Variants in PHF3 observed in about 807,000 individuals in gnomAD.
PHF3 encodes the protein PHD finger protein 3.
A neutral mutation model predicts 178.4 loss-of-function variants in PHF3; 41 were observed. The ratio of observed to expected loss-of-function variants is 0.23; its 90% confidence interval spans 0.18 to 0.30. The LOEUF (loss-of-function observed/expected upper bound fraction) is 0.30. Ranked by LOEUF, PHF3 falls within the 10% of genes least tolerant of loss-of-function variation. PHF3 has a pLI of 1.00. For synonymous variants in PHF3, 842 were observed against 800.5 expected, an observed-to-expected ratio of 1.05 and a Z score of -0.88; for missense variants, 2,346 against 2,398.1, an observed-to-expected ratio of 0.98 and a Z score of 0.45.
At chr6:63,649,589 T>G (rs913153348) in intron 2 of PHF3, among the ~76,000 whole-genome samples, 1 of 152,184 alleles carries the variant, frequency 6.6e-6, no homozygotes, top group Non-Finnish European at 1.5e-5. Context: ...GGATTGTATT[T>G]CAGCTGTCTC....
chr6:63,714,746 C>T lies in PHF3; in HGVS notation c.*1038C>T, dbSNP rs1768126006. ...ACTTTTACACCATCGCAATTTGGTA[C>T]TCTGACTCACTAATCATTAAAATTA... is the stretch of plus-strand genomic sequence containing the variant. On this transcript the variant is annotated 3_prime_UTR_variant, in exon 16 of 16. Transcript: ENST00000262043. The T allele has an allele frequency of 6.6e-6, 1 of 152,032 alleles. No individual in the cohort carries two copies. The highest frequency in any genetic ancestry group is 1.5e-5 in the Non-Finnish European group (1 of 67,978). The allele number at this position is 152,032 out of a possible 1,614,324, so 9.4% of individuals were successfully genotyped here.
Position 63,679,984 on chromosome 6 carries a change from T to C in PHF3, c.245-16T>C. On this transcript the variant is annotated splice_polypyrimidine_tract_variant and intron_variant, in intron 2 of 15. Transcript: ENST00000262043. ...CAATATTTTTAAAAGTTAATTTTTT[T>C]GTCGTTTTTTTCTAGTTGTTGGTCT... 1 of 1,602,874 alleles carries C rather than the reference T, an allele frequency of 6.2e-7. No individual in the cohort carries two copies. The highest frequency in any genetic ancestry group is 8.5e-7 in the Non-Finnish European group (1 of 1,173,252).
At chr6:63,674,983 T>C (rs185662606) in intron 2 of PHF3, among the ~76,000 whole-genome samples, 1 of 152,272 alleles carries the variant, frequency 6.6e-6, no homozygotes, top group East Asian at 1.9e-4. Flanking sequence ...CTCTGAATGG[T>C]TTTTATTCTC....
chr6:63,691,445 A>G (rs965734946), intron 4 of PHF3, among the ~76,000 whole-genome samples: 1 of 152,086 alleles, frequency 6.6e-6, no homozygotes, highest in Non-Finnish European at 1.5e-5. Context: ...AGTATTCAAG[A>G]CTGACAAAGG....
chr6:63,680,275 G>A (rs1268532968), intron 3 of PHF3, 114 bp downstream of exon 3: 6 of 894,542 alleles, frequency 6.7e-6, no homozygotes, highest in South Asian at 1.9e-5. Flanking sequence ...TAATCCATTC[G>A]TTTTGATGGC....
At chr6:63,675,553 T>C (rs1430339297) in intron 2 of PHF3, among the ~76,000 whole-genome samples, 1 of 152,198 alleles carries the variant, frequency 6.6e-6, no homozygotes. Context: ...GAAGGCAATG[T>C]AGAGCTTGAT....
chr6:63,644,346 A>C (rs1182770432), intron 1 of PHF3, among the ~76,000 whole-genome samples: 1 of 152,180 alleles, frequency 6.6e-6, no homozygotes, highest in Non-Finnish European at 1.5e-5. Flanking sequence ...CATTTAGTGA[A>C]TATTTTCATA....
chr6:63,713,159 T>A lies in PHF3; in HGVS notation c.5571T>A (p.Pro1857=). Residue 1857 remains proline (P), a synonymous_variant, in exon 16 of 16, where the codon CCT becomes CCA. Coordinates refer to ENST00000262043, the MANE Select transcript of PHF3 (RefSeq NM_001370348.2). ...FAQNPMVPWP[P]VVHLPGQPQR... ...AAAATCCCATGGTTCCCTGGCCACCTGTTGTTCATCTCCCAGGTCAGCCAC... is the reference window on the plus strand; with the variant it reads ...AAAATCCCATGGTTCCCTGGCCACCAGTTGTTCATCTCCCAGGTCAGCCAC... 6.2e-7 allele frequency: 1 copy of A among 1,613,900 alleles called. No homozygotes were observed. The highest frequency in any genetic ancestry group is 1.1e-5 in the South Asian group (1 of 91,086).
Position 63,706,852 on chromosome 6 carries a change from T to C in PHF3, c.3687T>C (p.Ser1229=). 1 of 1,614,022 alleles carries C rather than the reference T, an allele frequency of 6.2e-7. No individual in the cohort carries two copies. Among genetic ancestry groups the C allele is most frequent in the Non-Finnish European group, 8.5e-7 (1 of 1,179,918 alleles). Reference sequence around the variant, plus strand: ...TTGTTACCAAAGCCTATCCAGTATCTGGCTCCCCAGAATACCTGACAGAGG... The same window carrying C: ...TTGTTACCAAAGCCTATCCAGTATCCGGCTCCCCAGAATACCTGACAGAGG... ...AKFVTKAYPV[S]GSPEYLTEDL... Residue 1229 remains serine, a synonymous_variant, in exon 13 of 16, where the codon TCT becomes TCC. Transcript: ENST00000262043.
At chr6:63,703,143 G>A (rs1207611312) in intron 10 of PHF3, among the ~76,000 whole-genome samples, 1 of 152,214 alleles carries the variant, frequency 6.6e-6, no homozygotes, top group Admixed American at 6.5e-5. Flanking sequence ...CTCCCAAAGT[G>A]TGGGGATCAC....
intron 2 of PHF3, among the ~76,000 whole-genome samples, chr6:63,647,031 G>A (rs963334162): frequency 3.5e-4 from 53 of 151,196 alleles, no homozygotes; most frequent in Non-Finnish European, 1.5e-5. Flanking sequence ...TATGGATATA[G>A]GTAGGGTGAC....
At chr6:63,643,077 T>C (rs1354212150) in intron 1 of PHF3, among the ~76,000 whole-genome samples, 1 of 152,152 alleles carries the variant, frequency 6.6e-6, no homozygotes, top group Admixed American at 6.5e-5. Context: ...GTATTACCAA[T>C]GATAATGGTA....
At position 63,665,747 on chromosome 6, in the gene PHF3, C is replaced by T. The variant is rs187058704; in HGVS notation, c.245-14253C>T. Among the ~76,000 whole-genome samples the T allele has an allele frequency of 5.9e-4, 89 of 152,090 alleles. 1 individual carries two copies. The highest frequency in any genetic ancestry group is 2.0e-3 in the African/African-American group (85 of 41,502). ...CAAGTGATCCACCCATCTCAGCCTC[C>T]CAAAGTGCTAGGATTACAGGCATGA... On this transcript the variant is annotated intron_variant, in intron 2 of 15. Coordinates refer to ENST00000262043, the MANE Select transcript of PHF3 (RefSeq NM_001370348.2).
rs982064061 is a variant in PHF3, at chr6:63,721,152, A to G, written c.*7444A>G. The G allele has an allele frequency of 1.3e-6, 2 of 1,551,492 alleles. No individual in the cohort carries two copies. Among genetic ancestry groups the G allele is most frequent in the African/African-American group, 2.7e-5 (2 of 73,054 alleles). ...AATGTATTTAATGTAAGAATTACCC[A>G]TAAATTTTGCAGTTGAAAATGAAGT... is the stretch of plus-strand genomic sequence containing the variant. On this transcript the variant is annotated 3_prime_UTR_variant, in exon 16 of 16. Transcript: ENST00000262043.
At chr6:63,665,481 T>G (rs1281288621) in intron 2 of PHF3, among the ~76,000 whole-genome samples, 2 of 132,276 alleles carry the variant, frequency 1.5e-5, no homozygotes, top group Admixed American at 1.6e-4. Context: ...TTGTGGTTTT[T>G]TTTTGTTTTT....
intron 10 of PHF3, among the ~76,000 whole-genome samples, chr6:63,703,269 CAA>C (rs1317299126): frequency 3.3e-5 from 5 of 152,042 alleles, no homozygotes; most frequent in African/African-American, 7.2e-5. Context: ...TTCTTATTTT[CAA>C]AAGTCAGTGA....
chr6:63,686,849 T>C (rs936137406), intron 4 of PHF3, among the ~76,000 whole-genome samples: 5 of 152,316 alleles, frequency 3.3e-5, no homozygotes, highest in African/African-American at 7.2e-5. Flanking sequence ...TGAAGCTCTT[T>C]AGGGAGGGAC....
In PHF3 at chr6:63,706,238, TTGTA is replaced by T. The variant is rs1470118741; in HGVS notation, c.3563+15_3563+18del. 6.3e-7 allele frequency: 1 copy of T among 1,591,028 alleles called. No homozygotes were observed. Among genetic ancestry groups the T allele is most frequent in the Non-Finnish European group, 8.6e-7 (1 of 1,165,848 alleles). On this transcript the variant is annotated intron_variant, in intron 12 of 15. Coordinates refer to ENST00000262043, the MANE Select transcript of PHF3 (RefSeq NM_001370348.2). ...TCCTGCTCCACGGTAATTTTCTCTGTTGTAAATTCTGTAATACTCATTATAGATC... is the reference window on the plus strand; with the variant it reads ...TCCTGCTCCACGGTAATTTTCTCTGTAATTCTGTAATACTCATTATAGATC...
intron 11 of PHF3, among the ~76,000 whole-genome samples, chr6:63,705,119 A>G (rs78519363): frequency 0.011 from 1,634 of 152,328 alleles, 20 homozygotes; most frequent in African/African-American, 0.038. Context: ...CTGTTGCTAT[A>G]TAATCCAAAC....
Sources: gnomAD v4.1 joint callset for allele counts (sites outside exome capture counted in the v4.1 genomes callset) on GRCh38, gnomAD v4.1.1 for gene constraint, MANE v1.5 for transcripts, NCBI Gene and HGNC (gene_info 2026-07-23, HGNC 2026-07-21) for gene names.